Variants in ZNF407 observed in about 807,000 individuals in gnomAD.
ZNF407 encodes the protein zinc finger protein 407.
A neutral mutation model predicts 131.2 loss-of-function variants in ZNF407; 17 were observed. That is an observed-to-expected ratio of 0.13 (90% CI 0.09 to 0.19). The LOEUF (loss-of-function observed/expected upper bound fraction) is 0.19. Ranked by LOEUF, ZNF407 falls within the 10% of genes least tolerant of loss-of-function variation. The pLI, the probability that ZNF407 is intolerant of heterozygous loss-of-function variation, is 1.00. For missense variants in ZNF407, 2,681 were observed against 2,830.6 expected, an observed-to-expected ratio of 0.95 and a Z score of 1.20; for synonymous variants, 1,156 against 1,062.0, an observed-to-expected ratio of 1.09 and a Z score of -1.72.
chr18:74,684,638 A>G (rs1967057370), intron 3 of ZNF407, among the ~76,000 whole-genome samples: 1 of 152,238 alleles, frequency 6.6e-6, no homozygotes, highest in South Asian at 2.1e-4. Context: ...TAATAATTTG[A>G]AAAGCACCTG....
At chr18:74,675,903 T>C (rs948094257) in intron 3 of ZNF407, among the ~76,000 whole-genome samples, 1 of 152,208 alleles carries the variant, frequency 6.6e-6, no homozygotes, top group Non-Finnish European at 1.5e-5. Context: ...AAGCCTTCAT[T>C]GTTGTTGTTT....
At chr18:75,014,712 A>T (rs1048676922) in intron 8 of ZNF407, among the ~76,000 whole-genome samples, 1 of 152,122 alleles carries the variant, frequency 6.6e-6, no homozygotes, top group African/African-American at 2.4e-5. Context: ...TTTTTCATTG[A>T]TATTTCAAGT....
intron 6 of ZNF407, among the ~76,000 whole-genome samples, chr18:74,888,508 CTCAAT>C (rs1380069495): frequency 6.6e-6 from 1 of 152,058 alleles, no homozygotes; most frequent in Non-Finnish European, 1.5e-5. Flanking sequence ...TTTAGAACAT[CTCAAT>C]TCAGAGGCTA....
chr18:74,615,667 T>C (rs1340750158), intron 1 of ZNF407, among the ~76,000 whole-genome samples: 1 of 152,210 alleles, frequency 6.6e-6, no homozygotes, highest in Non-Finnish European at 1.5e-5. Flanking sequence ...CAGTTTTCCT[T>C]CTCCACATAT....
intron 8 of ZNF407, among the ~76,000 whole-genome samples, chr18:75,014,495 T>G (rs1176971582): frequency 6.6e-6 from 1 of 152,142 alleles, no homozygotes; most frequent in Admixed American, 6.5e-5. Flanking sequence ...TGAGTTTGCT[T>G]TTGATAAACA....
chr18:74,711,057 TTCTCCA>T, intron 3 of ZNF407, among the ~76,000 whole-genome samples: 1 of 150,490 alleles, frequency 6.6e-6, no homozygotes, highest in Non-Finnish European at 1.5e-5. Flanking sequence ...ACTCTGTCCA[TTCTCCA>T]TGGATGCTAT....
At chr18:75,049,802 G>A (rs914023278) in intron 8 of ZNF407, among the ~76,000 whole-genome samples, 1 of 152,060 alleles carries the variant, frequency 6.6e-6, no homozygotes, top group African/African-American at 2.4e-5. Flanking sequence ...CTATATTCAT[G>A]GCTATTTGTC....
chr18:75,053,519 G>A (rs1272348173), intron 8 of ZNF407, among the ~76,000 whole-genome samples: 1 of 152,096 alleles, frequency 6.6e-6, no homozygotes, highest in African/African-American at 2.4e-5. Context: ...CAGAGTCAGG[G>A]TTCATGCCTC....
At chr18:74,992,684 T>G (rs1568294537) in intron 8 of ZNF407, among the ~76,000 whole-genome samples, 1 of 152,214 alleles carries the variant, frequency 6.6e-6, no homozygotes, top group Admixed American at 6.5e-5. Context: ...TGGAGTTTGT[T>G]TATTTGCAAT....
chr18:74,673,481 T>C (rs500883), intron 3 of ZNF407, among the ~76,000 whole-genome samples: 123,949 of 152,104 alleles, frequency 0.81, 51,106 homozygotes, highest in Middle Eastern at 0.88. Flanking sequence ...TTGTGTCTGC[T>C]AGGATAATCT....
chr18:74,635,044 G>C lies in ZNF407; in HGVS notation c.4025G>C (p.Ser1342Thr). The C allele has an allele frequency of 3.7e-6, 6 of 1,613,928 alleles. No individual in the cohort carries two copies. In the Middle Eastern group the frequency reaches 9.9e-4, roughly 266 times the overall value. Residue 1342 changes from serine (S) to threonine (T), a missense_variant, in exon 2 of 9, where the codon AGT (serine) becomes ACT (threonine). By Grantham distance (58) the Ser-to-Thr change is moderately conservative (BLOSUM62 1). Coordinates refer to ENST00000299687, the MANE Select transcript of ZNF407 (RefSeq NM_017757.3). The surrounding 1 kb of genome is among the most constrained non-coding windows in gnomAD (Gnocchi z 4.7). ...AGTGATGTCTATGAAACTATAATTA[G>C]TATTGATGATAAAGGGCAGGCCATG... is the stretch of plus-strand genomic sequence containing the variant. ...ESSDVYETII[S>T]IDDKGQAMYS... is the part of the protein sequence containing the mutation.
chr18:74,952,898 G>C (rs919283676), intron 8 of ZNF407, among the ~76,000 whole-genome samples: 1 of 152,174 alleles, frequency 6.6e-6, no homozygotes, highest in Admixed American at 6.5e-5. Flanking sequence ...ATGGTTGACG[G>C]AACACGAGGC....
Position 75,011,434 on chromosome 18 carries a change from T to G in ZNF407, c.5429-51716T>G, listed in dbSNP as rs143790427. Among the ~76,000 whole-genome samples the G allele has an allele frequency of 2.8e-4, 43 of 152,294 alleles. No homozygotes were observed. In the Middle Eastern group the frequency reaches 0.01, roughly 36 times the overall value. ...ATAACAAAATAGAGCAGACATACCTTAGTTGATTCAGCCATTCTCTTACAA... is the reference window on the plus strand; with the variant it reads ...ATAACAAAATAGAGCAGACATACCTGAGTTGATTCAGCCATTCTCTTACAA... On this transcript the variant is annotated intron_variant, in intron 8 of 8. Transcript: ENST00000299687.
intron 3 of ZNF407, among the ~76,000 whole-genome samples, chr18:74,768,952 C>T (rs1969303443): frequency 6.6e-6 from 1 of 152,134 alleles, no homozygotes; most frequent in Admixed American, 6.5e-5. Context: ...GTTCTGTCTG[C>T]CATCCTTCCT....
rs549913897 is a variant in ZNF407, at chr18:74,719,593, C to T, written c.4803-61835C>T. ...TTTTTTTTGTATTTTTTAGTAGAGACGGGGTTTCACCGTGTTAGCCAGGAT... is the reference window on the plus strand; with the variant it reads ...TTTTTTTTGTATTTTTTAGTAGAGATGGGGTTTCACCGTGTTAGCCAGGAT... On this transcript the variant is annotated intron_variant, in intron 3 of 8. Transcript: ENST00000299687. Among the ~76,000 whole-genome samples the T allele has an allele frequency of 1.6e-4, 24 of 152,202 alleles. No homozygotes were observed. The South Asian group carries it at 1.9e-3, about 12-fold the overall frequency.
chr18:74,622,420 C>A (rs565618989), intron 1 of ZNF407, among the ~76,000 whole-genome samples: 2 of 152,372 alleles, frequency 1.3e-5, no homozygotes, highest in African/African-American at 4.8e-5. Context: ...TTGTGGGCAG[C>A]CCTGCCTGTC....
intron 4 of ZNF407, among the ~76,000 whole-genome samples, chr18:74,858,240 C>A (rs1487775063): frequency 6.6e-6 from 1 of 151,108 alleles, no homozygotes; most frequent in Admixed American, 6.6e-5. Flanking sequence ...TGAATGTCCA[C>A]GTATTAACAC....
intron 3 of ZNF407, among the ~76,000 whole-genome samples, chr18:74,777,179 T>G (rs967299127): frequency 3.3e-5 from 5 of 152,176 alleles, no homozygotes; most frequent in Non-Finnish European, 7.3e-5. Context: ...TTATATGGTA[T>G]GTAGTGTACA....
intron 7 of ZNF407, among the ~76,000 whole-genome samples, chr18:74,919,329 A>G (rs1971815440): frequency 1.3e-5 from 2 of 152,196 alleles, no homozygotes; most frequent in African/African-American, 4.8e-5. Context: ...TGAATATTAT[A>G]CTCAAAAGCA....
Sources: allele counts gnomAD v4.1 joint callset (sites outside exome capture counted in the v4.1 genomes callset), GRCh38; gene constraint gnomAD v4.1.1; non-coding constraint Gnocchi (gnomAD v3.1); transcripts MANE v1.5; gene names NCBI Gene and HGNC (gene_info 2026-07-23, HGNC 2026-07-21).